Variants in TAF6L observed in about 807,000 individuals in gnomAD.
TAF6L encodes the protein TATA-box binding protein associated factor 6 like.
A neutral mutation model predicts 57.3 loss-of-function variants in TAF6L; 34 were observed. That is an observed-to-expected ratio of 0.59 (90% confidence interval 0.45 to 0.79). The LOEUF (loss-of-function observed/expected upper bound fraction) is 0.79. Ranked by LOEUF, TAF6L falls within the 30% of genes least tolerant of loss-of-function variation. The pLI, the probability that TAF6L is intolerant of heterozygous loss-of-function variation, is 0.00. For missense variants in TAF6L, 782 were observed against 853.2 expected (o/e 0.92, Z 1.04); for synonymous variants, 417 against 376.3 (o/e 1.11, Z -1.25).
rs571283933 is a variant in TAF6L at position 62,774,791 on chromosome 11, A to G, written c.-13-980A>G. ...TGGCGAAATCTTGTTTCTACTAAAA[A>G]TACAAAAATTAGCTGGGCGTGGTGG... On this transcript the variant is annotated intron_variant, in intron 1 of 10. Coordinates refer to ENST00000294168, the MANE Select transcript of TAF6L (RefSeq NM_006473.4). The G allele has an allele frequency of 3.7e-5, 13 of 349,954 alleles. No individual in the cohort carries two copies. The East Asian group carries it at 1.2e-3, about 32-fold the overall frequency. 21.7% of individuals were successfully genotyped at this position (349,954 alleles called of 1,614,324 possible).
At chr11:62,782,540 A>G (rs774412622) in intron 8 of TAF6L, 153 bp from the exon 9 acceptor site, 10 of 1,194,474 alleles carry the variant, frequency 8.4e-6, no homozygotes, top group Non-Finnish European at 1.2e-5. Flanking sequence ...TTCAGCCCTC[A>G]GGTCCTAGGC....
rs2134732910 is a variant in TAF6L at position 62,787,281 on chromosome 11, G to A, written c.1854G>A (p.Leu618=). The A allele has an allele frequency of 1.9e-6, 3 of 1,547,688 alleles. No individual in the cohort carries two copies. The East Asian group carries it at 7.0e-5, about 36-fold the overall frequency. ...ARRWALSDYS[L]YLPL ...GGTGGGCGCTCTCGGACTACTCGCTGTACTTGCCGCTCTGAGTCAGTGGCC... is the reference window on the plus strand; with the variant it reads ...GGTGGGCGCTCTCGGACTACTCGCTATACTTGCCGCTCTGAGTCAGTGGCC... The change falls in exon 11 of 11, where the codon CTG becomes CTA. Residue 618 remains leucine (L), a synonymous_variant. Transcript: ENST00000294168.
intron 3 of TAF6L, among the ~76,000 whole-genome samples, chr11:62,777,331 C>CA (rs1038394546): frequency 1.1e-4 from 16 of 151,410 alleles, no homozygotes; most frequent in African/African-American, 2.2e-4. Context: ...TGTCTCAAAA[C>CA]AAAAAAAAGA....
At position 62,778,062 on chromosome 11, in the gene TAF6L, G is replaced by A. The variant is rs1199195158; in HGVS notation, c.319G>A (p.Val107Met). 2 of 1,614,062 alleles carry A rather than the reference G, an allele frequency of 1.2e-6. No homozygotes were observed. The highest frequency in any genetic ancestry group is 1.3e-5 in the African/African-American group (1 of 74,926). The change falls in exon 4 of 11, where the codon GTG becomes ATG. Residue 107 changes from valine (V) to methionine (M), a missense_variant. Coordinates refer to ENST00000294168, the MANE Select transcript of TAF6L (RefSeq NM_006473.4). ...ACTCTACTTTCCTGAGGATCGAGAG[G>A]TGAACCTGGTGGAGCTGGCCCTGGC... ...GELYFPEDRE[V>M]NLVELALATN...
chr11:62,774,138 G>A (rs1314850508), intron 1 of TAF6L, among the ~76,000 whole-genome samples: 4 of 151,832 alleles, frequency 2.6e-5, no homozygotes, highest in South Asian at 2.1e-4. Flanking sequence ...GTGCAGTGGC[G>A]TGATCTCGGC....
chr11:62,787,341 A>G lies in TAF6L; in HGVS notation c.*45A>G. On this transcript the variant is annotated 3_prime_UTR_variant, in exon 11 of 11. Coordinates refer to ENST00000294168, the MANE Select transcript of TAF6L (RefSeq NM_006473.4). Reference sequence around the variant, plus strand: ...CTTGTAAATAAATCCCGCCCCCGGAAATGACGTCTCCACCTTCGTGGGTCG... The same window carrying G: ...CTTGTAAATAAATCCCGCCCCCGGAGATGACGTCTCCACCTTCGTGGGTCG... 1 of 1,525,824 alleles carries G rather than the reference A, an allele frequency of 6.6e-7. No homozygotes were observed. The highest frequency in any genetic ancestry group is 8.7e-7 in the Non-Finnish European group (1 of 1,143,990). The allele number at this position is 1,525,824 out of a possible 1,614,324, so 94.5% of individuals were successfully genotyped here. A position where few individuals can be genotyped will look rare whatever the true frequency, so the allele number is the denominator to read the frequency against.
In TAF6L at chr11:62,781,926, G is replaced by A. The variant is rs777959397; in HGVS notation, c.564G>A (p.Lys188=). Reference sequence around the variant, plus strand: ...TCCAGGACTTGCAGACGAACTCCAAGATTGGGGCACTCCTGCCTTACTTTG... The same window carrying A: ...TCCAGGACTTGCAGACGAACTCCAAAATTGGGGCACTCCTGCCTTACTTTG... ...VALQDLQTNS[K]IGALLPYFVY... is the part of the protein sequence containing the mutation. The change falls in exon 7 of 11, where the codon AAG becomes AAA. Residue 188 remains lysine, a synonymous_variant. Transcript: ENST00000294168. 2.5e-6 allele frequency: 4 copies of A among 1,614,178 alleles called. No homozygotes were observed. Among genetic ancestry groups the A allele is most frequent in the Non-Finnish European group, 2.5e-6 (3 of 1,180,044 alleles).
At chr11:62,775,384 A>G (rs1336065169) in intron 1 of TAF6L, among the ~76,000 whole-genome samples, 1 of 152,224 alleles carries the variant, frequency 6.6e-6, no homozygotes, top group Non-Finnish European at 1.5e-5. Context: ...GCGGGGACAC[A>G]GCCAAATCAT....
At chr11:62,780,037 C>T (rs1180522455) in intron 6 of TAF6L, among the ~76,000 whole-genome samples, 1 of 142,232 alleles carries the variant, frequency 7.0e-6, no homozygotes, top group Admixed American at 7.1e-5. Flanking sequence ...TGGTGAAACT[C>T]CTGCCCTCAA....
intron 6 of TAF6L, among the ~76,000 whole-genome samples, chr11:62,780,071 C>A (rs1240185233): frequency 6.7e-6 from 1 of 148,504 alleles, no homozygotes; most frequent in Non-Finnish European, 1.5e-5. Flanking sequence ...GGCCTCCCAG[C>A]ACTTTGGGAG....
At chr11:62,785,913 C>T (rs2084270416) in intron 9 of TAF6L, 1 of 169,444 alleles carries the variant, frequency 5.9e-6, no homozygotes, top group African/African-American at 2.4e-5. Flanking sequence ...TGAACTGAGT[C>T]TCAGTTTACA....
At chr11:62,772,461 TGTA>T (rs1419148081) in intron 1 of TAF6L, among the ~76,000 whole-genome samples, 3 of 150,016 alleles carry the variant, frequency 2.0e-5, no homozygotes, top group African/African-American at 7.4e-5. Flanking sequence ...AGGCAGAGGT[TGTA>T]GTGAGCCGAG....
chr11:62,786,287 C>A lies in TAF6L; in HGVS notation c.988C>A (p.Leu330Met), dbSNP rs145021229. The change falls in exon 10 of 11, where the codon CTG becomes ATG. Residue 330 changes from leucine (L) to methionine (M), a missense_variant. Leu to Met is a conservative substitution (Grantham distance 15, BLOSUM62 2). Around this residue, in one of 3 missense-constraint regions of TAF6L, gnomAD observed 483 missense variants for 445.1 expected, o/e 1.09. Transcript: ENST00000294168. ...AGTAGAACGAGTCCTGTACCCACAC[C>A]TGTCCACCTACTGGACAAACTTGCA... ...KAVERVLYPH[L>M]STYWTNLQAV... is the part of the protein sequence containing the mutation. 111 of 1,614,000 alleles carry A rather than the reference C, an allele frequency of 6.9e-5. No homozygotes were observed. Among genetic ancestry groups the A allele is most frequent in the Non-Finnish European group, 9.0e-5 (106 of 1,179,984 alleles).
chr11:62,781,747 TATAGAAATAGA>T, intron 6 of TAF6L, 136 bp from the exon 7 acceptor site: 1 of 729,180 alleles, frequency 1.4e-6, no homozygotes, highest in South Asian at 1.6e-5. Context: ...AGGTTACATT[TATAGAAATAGA>T]ATTGCTAGAT....
intron 1 of TAF6L, chr11:62,772,226 A>C (rs1445205288): frequency 1.3e-5 from 6 of 445,742 alleles, no homozygotes; most frequent in Admixed American, 1.2e-4. Flanking sequence ...CAGGCATAGT[A>C]CAGTGCTATT....
rs2084189841 is a variant in TAF6L, at chr11:62,776,574, G to A, written c.234+104G>A. 3.5e-6 allele frequency: 4 copies of A among 1,149,950 alleles called. No homozygotes were observed. The East Asian group carries it at 8.1e-5, about 23-fold the overall frequency. 71.2% of individuals were successfully genotyped at this position (1,149,950 alleles called of 1,614,324 possible). ...GAGACATTAAGACCAAACGCTGCCGGGCATGGTGGCTCATGCCTGTAATCC... is the reference window on the plus strand; with the variant it reads ...GAGACATTAAGACCAAACGCTGCCGAGCATGGTGGCTCATGCCTGTAATCC... On this transcript the variant is annotated intron_variant, in intron 3 of 10. Transcript: ENST00000294168.
At chr11:62,782,536 C>A in intron 8 of TAF6L, 157 bp from the exon 9 acceptor site, 1 of 1,165,318 alleles carries the variant, frequency 8.6e-7, no homozygotes, top group Non-Finnish European at 1.2e-6. Flanking sequence ...GTTCTTCAGC[C>A]CTCAGGTCCT....
rs904351431 is a variant in TAF6L, at chr11:62,786,982, T to C, written c.1555T>C (p.Ser519Pro). The C allele has an allele frequency of 8.2e-6, 12 of 1,455,672 alleles. No homozygotes were observed. Among genetic ancestry groups the C allele is most frequent in the African/African-American group, 1.5e-5 (1 of 66,760 alleles). The allele number at this position is 1,455,672 out of a possible 1,614,324, so 90.2% of individuals were successfully genotyped here. A position where few individuals can be genotyped will look rare whatever the true frequency, so the allele number is the denominator to read the frequency against. The change falls in exon 11 of 11, where the codon TCT (serine) becomes CCT (proline). Residue 519 changes from serine to proline, a missense_variant. Ser to Pro is a moderately conservative substitution (Grantham distance 74). Transcript: ENST00000294168. ...GPASASGPAA[S>P]ESRPLPRVHR... Reference sequence around the variant, plus strand: ...CGCGTCGGCCTCTGGGCCCGCCGCCTCTGAGAGCAGGCCCTTGCCGCGCGT... The same window carrying C: ...CGCGTCGGCCTCTGGGCCCGCCGCCCCTGAGAGCAGGCCCTTGCCGCGCGT...
Position 62,774,666 on chromosome 11 carries a change from C to G in TAF6L, c.-13-1105C>G, listed in dbSNP as rs115639179. The G allele has an allele frequency of 2.9e-3, 1,319 of 455,034 alleles. 9 individuals carry two copies. Among genetic ancestry groups the G allele is most frequent in the African/African-American group, 0.024 (1,220 of 50,128 alleles). The allele number at this position is 455,034 out of a possible 1,614,324, so 28.2% of individuals were successfully genotyped here. A position where few individuals can be genotyped will look rare whatever the true frequency, so the allele number is the denominator to read the frequency against. On this transcript the variant is annotated intron_variant, in intron 1 of 10. Transcript: ENST00000294168. Reference sequence around the variant, plus strand: ...TGTCGGTTTCTTATTGTGCTATACCCTGTGAACAAAACAGGTTCCAGCATT... The same window carrying G: ...TGTCGGTTTCTTATTGTGCTATACCGTGTGAACAAAACAGGTTCCAGCATT...
Sources: allele counts gnomAD v4.1 joint callset (sites outside exome capture counted in the v4.1 genomes callset), GRCh38; gene constraint gnomAD v4.1.1; regional missense constraint gnomAD v4.1.1; transcripts MANE v1.5; gene names NCBI Gene and HGNC (gene_info 2026-07-23, HGNC 2026-07-21).